Variants in HIBCH observed in about 807,000 individuals in gnomAD.
The protein encoded by HIBCH is 3-hydroxyisobutyryl-CoA hydrolase.
A neutral mutation model predicts 58.2 loss-of-function variants in HIBCH; 50 were observed. The ratio of observed to expected loss-of-function variants is 0.86; its 90% CI spans 0.68 to 1.09. The LOEUF is 1.09. Ranked by LOEUF, HIBCH falls within the 50% of genes least tolerant of loss-of-function variation. The pLI is 0.00. For synonymous variants in HIBCH, 151 were observed against 146.9 expected, an observed-to-expected ratio of 1.03 and a Z score of -0.20; for missense variants, 450 against 449.7, an observed-to-expected ratio of 1.00 and a Z score of -0.01.
chr2:190,259,502 G>T (rs1039280549), intron 7 of HIBCH, among the ~76,000 whole-genome samples: 1 of 151,884 alleles, frequency 6.6e-6, no homozygotes, highest in African/African-American at 2.4e-5. Context: ...GGAACCACAG[G>T]CACACGCCAC....
intron 4 of HIBCH, among the ~76,000 whole-genome samples, chr2:190,292,485 T>C (rs962638920): frequency 2.5e-4 from 38 of 152,084 alleles, no homozygotes; most frequent in African/African-American, 9.2e-4. Flanking sequence ...TTCTTTTTTG[T>C]ATTTTAGTAG....
At chr2:190,219,871 CAG>C (rs1217320176) in intron 11 of HIBCH, among the ~76,000 whole-genome samples, 1 of 152,238 alleles carries the variant, frequency 6.6e-6, no homozygotes, top group East Asian at 1.9e-4. Flanking sequence ...TTTGGATGGA[CAG>C]AGGACATTTT....
In HIBCH at chr2:190,240,470, G is replaced by GT. The variant is rs201779108; in HGVS notation, c.891+4416dup. On this transcript the variant is annotated intron_variant, in intron 11 of 13. Transcript: ENST00000359678. ...CTGGATTCACTGATTTTTTTGAAGT[G>GT]TTTTTTTTCTGTCTTTATCTCCTTC... Among the ~76,000 whole-genome samples, 65 of 151,806 alleles carry GT rather than the reference G, an allele frequency of 4.3e-4. No homozygotes were observed. In the South Asian group the frequency reaches 6.5e-3, roughly 15 times the overall value.
intron 1 of HIBCH, among the ~76,000 whole-genome samples, chr2:190,196,422 G>T (rs1336668167): frequency 6.6e-6 from 1 of 151,206 alleles, no homozygotes; most frequent in Non-Finnish European, 1.5e-5. Context: ...ATTTCTCTGA[G>T]ATTCTTTTTT....
rs781290083 is a variant in HIBCH, at chr2:190,261,231, C to A, written c.442G>T (p.Val148Phe). The change falls in exon 7 of 14, where the codon GTT (valine) becomes TTT (phenylalanine). Residue 148 changes from valine (V) to phenylalanine (F), a missense_variant. Physicochemically the swap from Val to Phe is conservative, Grantham distance 50. Transcript: ENST00000359678. ...AATTGCCCATGGACTGAGAGACCAA[C>A]TCCCTAGAGAAAAAAGGCAAAAAAA... ...LIHGITMGGG[V>F]GLSVHGQFRV... is the part of the protein sequence containing the mutation. The A allele has an allele frequency of 6.2e-7, 1 of 1,612,698 alleles. No individual in the cohort carries two copies. The highest frequency in any genetic ancestry group is 8.5e-7 in the Non-Finnish European group (1 of 1,178,996).
intron 9 of HIBCH, among the ~76,000 whole-genome samples, chr2:190,248,309 G>A (rs1443744264): frequency 6.6e-6 from 1 of 152,122 alleles, no homozygotes; most frequent in Non-Finnish European, 1.5e-5. Flanking sequence ...GTTATTAAGG[G>A]GTCCATGAAT....
chr2:190,213,116 C>G, intron 11 of HIBCH, 41 bp from the exon 12 acceptor site: 2 of 1,441,728 alleles, frequency 1.4e-6, no homozygotes, highest in Non-Finnish European at 2.0e-6. Context: ...TCCAATAGTT[C>G]CTTTATTGTC....
intron 3 of HIBCH, among the ~76,000 whole-genome samples, chr2:190,296,116 A>G (rs1020668293): frequency 1.3e-5 from 2 of 152,144 alleles, no homozygotes; most frequent in African/African-American, 4.8e-5. Context: ...GAGAAAAAGC[A>G]GGCAGTTTAA....
At chr2:190,295,054 T>C (rs1469874797) in intron 3 of HIBCH, among the ~76,000 whole-genome samples, 4 of 152,260 alleles carry the variant, frequency 2.6e-5, no homozygotes, top group Non-Finnish European at 5.9e-5. Context: ...AGGGCTCTCT[T>C]ACTCTTAATA....
intron 12 of HIBCH, among the ~76,000 whole-genome samples, chr2:190,212,496 A>G (rs1342790644): frequency 6.6e-6 from 1 of 152,204 alleles, no homozygotes; most frequent in Non-Finnish European, 1.5e-5. Context: ...TGTCCACTTT[A>G]TGTTTACAAT....
Position 190,306,980 on chromosome 2 carries a change from A to G in HIBCH, c.78+3774T>C, listed in dbSNP as rs1403976629. ...AGACACCAAATCCGCTGGCCCCTTGATCTTGAACTCCCCAGCCTCCAGAAC... is the reference window on the plus strand; with the variant it reads ...AGACACCAAATCCGCTGGCCCCTTGGTCTTGAACTCCCCAGCCTCCAGAAC... On this transcript the variant is annotated intron_variant, in intron 2 of 13. Coordinates refer to ENST00000359678, the MANE Select transcript of HIBCH (RefSeq NM_014362.4). This position sits in a 1 kb window ranked among gnomAD's most constrained non-coding sequence, Gnocchi z 4.6. Among the ~76,000 whole-genome samples, 1 of 152,200 alleles carries G rather than the reference A, an allele frequency of 6.6e-6. No homozygotes were observed. Among genetic ancestry groups the G allele is most frequent in the Non-Finnish European group, 1.5e-5 (1 of 68,032 alleles).
chr2:190,231,073 T>C (rs1481951024), intron 11 of HIBCH, among the ~76,000 whole-genome samples: 1 of 152,224 alleles, frequency 6.6e-6, no homozygotes, highest in Non-Finnish European at 1.5e-5. Context: ...ACAATGTCAT[T>C]TGATTTTTGA....
intron 13 of HIBCH, among the ~76,000 whole-genome samples, chr2:190,205,689 C>A (rs532506815): frequency 1.4e-4 from 22 of 152,198 alleles, no homozygotes; most frequent in African/African-American, 5.1e-4. Flanking sequence ...GAAAAGGGGA[C>A]TTCATGCATA....
Position 190,194,885 on chromosome 2 carries a change from C to G in HIBCH, c.*18-4888G>C, listed in dbSNP as rs181064752. Among the ~76,000 whole-genome samples the G allele has an allele frequency of 1.4e-3, 218 of 152,232 alleles. 1 individual carries two copies. Among genetic ancestry groups the G allele is most frequent in the African/African-American group, 4.9e-3 (204 of 41,546 alleles). On this transcript the variant is annotated intron_variant, in intron 1 of 1. Coordinates refer to the HIBCH transcript ENST00000399855. ...TATTATTTTTTGAGGTGGGGTCTTG[C>G]TCAGTCACCCAGGCTGGAGTGCAGT...
intron 6 of HIBCH, among the ~76,000 whole-genome samples, chr2:190,283,121 C>T (rs961005336): frequency 1.3e-5 from 2 of 152,132 alleles, no homozygotes; most frequent in Non-Finnish European, 2.9e-5. Flanking sequence ...TTTCCGATTT[C>T]AGATTTTTAG....
At chr2:190,193,564 T>A (rs978459952) in intron 1 of HIBCH, among the ~76,000 whole-genome samples, 1 of 152,190 alleles carries the variant, frequency 6.6e-6, no homozygotes, top group Admixed American at 6.5e-5. Flanking sequence ...AGATTTACAA[T>A]TTCTTTAATT....
chr2:190,201,254 C>T (rs1690232253), downstream of HIBCH: 1 of 166,884 alleles, frequency 6.0e-6, no homozygotes, highest in Non-Finnish European at 1.5e-5. Context: ...TTCATTTTTA[C>T]TGTCACAGCA....
chr2:190,295,796 A>G (rs1015400840), intron 3 of HIBCH, among the ~76,000 whole-genome samples: 2 of 152,254 alleles, frequency 1.3e-5, no homozygotes, highest in Admixed American at 6.5e-5. Context: ...TATCTCAAAC[A>G]GAAACATAAG....
intron 1 of HIBCH, among the ~76,000 whole-genome samples, chr2:190,318,607 T>C (rs184169898): frequency 7.0e-4 from 106 of 152,206 alleles, no homozygotes; most frequent in Admixed American, 6.5e-3. Context: ...GAACGTGGGG[T>C]GGAAGAAAGC....
Sources: allele counts gnomAD v4.1 joint callset (sites outside exome capture counted in the v4.1 genomes callset), GRCh38; gene constraint gnomAD v4.1.1; non-coding constraint Gnocchi (gnomAD v3.1); transcripts MANE v1.5; gene names NCBI Gene and HGNC (gene_info 2026-07-23, HGNC 2026-07-21).